SLC4A3: variants seen among roughly 807,000 people sequenced by gnomAD.
SLC4A3 encodes anion exchange protein 3.
In SLC4A3, 47 loss-of-function variants were observed where a neutral mutation model predicts 114.2. The ratio of observed to expected loss-of-function variants is 0.41; its 90% confidence interval spans 0.33 to 0.52. The LOEUF (loss-of-function observed/expected upper bound fraction) is 0.52, where lower values mean the gene tolerates loss of function less well. SLC4A3 is among the 20% of genes least tolerant of loss of function. SLC4A3 has a pLI of 0.21. For missense variants in SLC4A3, 1,312 were observed against 1,668.3 expected (o/e 0.79, Z 3.72); for synonymous variants, 693 against 710.3 (o/e 0.98, Z 0.39).
chr2:219,638,887 A>C lies in SLC4A3; in HGVS notation c.3023+18A>C, dbSNP rs371894684. On this transcript the variant is annotated intron_variant, in intron 19 of 22. Transcript: ENST00000358055. This position sits in a 1 kb window ranked among gnomAD's most constrained non-coding sequence, Gnocchi z 7.5. ...ATCACGGCGTGAGAGAGATGGGAGG[A>C]GGAGGTGGGAGGGACGAGGCCAAGC... 3.1e-6 allele frequency: 5 copies of C among 1,610,748 alleles called. No homozygotes were observed. In the African/African-American group the frequency reaches 6.7e-5, roughly 22 times the overall value.
In SLC4A3 at chr2:219,631,945, C is replaced by T. The variant is rs370444350; in HGVS notation, c.812-23C>T. On this transcript the variant is annotated intron_variant, in intron 6 of 22. Transcript: ENST00000358055. This position sits in a 1 kb window ranked among gnomAD's most constrained non-coding sequence, Gnocchi z 6.3. ...AGGGCCCCAGCTGGACCTGTGGGACCCCCAAGCCCATCTTCTCTGCAGGTC... is the reference window on the plus strand; with the variant it reads ...AGGGCCCCAGCTGGACCTGTGGGACTCCCAAGCCCATCTTCTCTGCAGGTC... The T allele has an allele frequency of 1.3e-5, 21 of 1,569,390 alleles. No individual in the cohort carries two copies. Among genetic ancestry groups the T allele is most frequent in the Non-Finnish European group, 1.8e-5 (21 of 1,157,872 alleles).
rs187724618 is a variant in SLC4A3, at chr2:219,633,871, C to T, written c.1462-9C>T. The T allele has an allele frequency of 8.4e-5, 130 of 1,553,986 alleles. No individual in the cohort carries two copies. The highest frequency in any genetic ancestry group is 7.0e-4 in the African/African-American group (51 of 73,360). Reference sequence around the variant, plus strand: ...GGGTCCCAGCCCTATTCCAGTTCTGCGTCCTCAGAAGCCCCTCCACATGCC... The same window carrying T: ...GGGTCCCAGCCCTATTCCAGTTCTGTGTCCTCAGAAGCCCCTCCACATGCC... On this transcript the variant is annotated splice_polypyrimidine_tract_variant and intron_variant, in intron 10 of 22. Transcript: ENST00000358055.
At position 219,637,959 on chromosome 2, in the gene SLC4A3, G is replaced by A; in HGVS notation, c.2766+148G>A. ...TCACCCCTTCGGAAGCCTCTTCCCTGGGTGTCTTCTTGCCCTTTGCTCAGA... is the reference window on the plus strand; with the variant it reads ...TCACCCCTTCGGAAGCCTCTTCCCTAGGTGTCTTCTTGCCCTTTGCTCAGA... On this transcript the variant is annotated intron_variant, in intron 17 of 22. Transcript: ENST00000358055. The surrounding 1 kb of genome is among the most constrained non-coding windows in gnomAD (Gnocchi z 4.6). 1 of 725,858 alleles carries A rather than the reference G, an allele frequency of 1.4e-6. No homozygotes were observed. The highest frequency in any genetic ancestry group is 2.4e-6 in the Non-Finnish European group (1 of 421,994). 45.0% of individuals were successfully genotyped at this position (725,858 alleles called of 1,614,324 possible). A position where few individuals can be genotyped will look rare whatever the true frequency, so the allele number is the denominator to read the frequency against.
At position 219,631,487 on chromosome 2, in the gene SLC4A3, C is replaced by A. The variant is rs751057516; in HGVS notation, c.812-481C>A. ...AACGGGGCTGCTGGCCTTTCCCCGA[C>A]TGCTGCTGGCCTGGGTGGGGCAGAC... is the stretch of plus-strand genomic sequence containing the variant. On this transcript the variant is annotated intron_variant, in intron 6 of 22. Coordinates refer to ENST00000358055, the MANE Select transcript of SLC4A3 (RefSeq NM_005070.4). This position sits in a 1 kb window ranked among gnomAD's most constrained non-coding sequence, Gnocchi z 6.3. The A allele has an allele frequency of 1.5e-6, 2 of 1,297,798 alleles. No individual in the cohort carries two copies. Among genetic ancestry groups the A allele is most frequent in the South Asian group, 1.2e-5 (1 of 80,412 alleles). 80.4% of individuals were successfully genotyped at this position (1,297,798 alleles called of 1,614,324 possible).
Position 219,641,716 on chromosome 2 carries a change from C to T in SLC4A3, c.3687C>T (p.His1229=). ...EDGQDEYNEL[H]MPV ...GCCAGGATGAGTACAATGAGCTGCA[C>T]ATGCCAGTGTGACCCTTGAAGACAG... The change falls in exon 23 of 23, where the codon CAC becomes CAT. Residue 1229 remains histidine, a synonymous_variant. Coordinates refer to ENST00000358055, the MANE Select transcript of SLC4A3 (RefSeq NM_005070.4). This position sits in a 1 kb window ranked among gnomAD's most constrained non-coding sequence, Gnocchi z 4.0. The T allele has an allele frequency of 6.2e-7, 1 of 1,613,726 alleles. No homozygotes were observed. The highest frequency in any genetic ancestry group is 2.2e-5 in the East Asian group (1 of 44,870).
rs1698810371 is a variant in SLC4A3, at chr2:219,628,714, G to A, written c.217+144G>A. On this transcript the variant is annotated intron_variant, in intron 3 of 22. Transcript: ENST00000358055. This position sits in a 1 kb window ranked among gnomAD's most constrained non-coding sequence, Gnocchi z 4.8. ...TGGACTCTGTGCTGGGCCACATGCCGTGTTCAGTCATCCTGCCTCCCCCAC... is the reference window on the plus strand; with the variant it reads ...TGGACTCTGTGCTGGGCCACATGCCATGTTCAGTCATCCTGCCTCCCCCAC... 6 of 869,640 alleles carry A rather than the reference G, an allele frequency of 6.9e-6. No individual in the cohort carries two copies. The highest frequency in any genetic ancestry group is 5.7e-5 in the Admixed American group (2 of 35,340). 53.9% of individuals were successfully genotyped at this position (869,640 alleles called of 1,614,324 possible). A position where few individuals can be genotyped will look rare whatever the true frequency, so the allele number is the denominator to read the frequency against.
chr2:219,628,607 G>C lies in SLC4A3; in HGVS notation c.217+37G>C, dbSNP rs575599849. ...GGGGACCCCTAGTGCGGCCGCCCTC[G>C]CCACCATCACCTTCATCGCCACCAT... On this transcript the variant is annotated intron_variant, in intron 3 of 22. Coordinates refer to ENST00000358055, the MANE Select transcript of SLC4A3 (RefSeq NM_005070.4). This position sits in a 1 kb window ranked among gnomAD's most constrained non-coding sequence, Gnocchi z 4.8. 6.2e-7 allele frequency: 1 copy of C among 1,601,528 alleles called. No individual in the cohort carries two copies. The highest frequency in any genetic ancestry group is 1.1e-5 in the South Asian group (1 of 90,494).
In SLC4A3 at chr2:219,628,643, ACC is replaced by A; in HGVS notation, c.217+74_217+75del. 3 of 1,495,468 alleles carry A rather than the reference ACC, an allele frequency of 2.0e-6. No individual in the cohort carries two copies. The South Asian group carries it at 3.5e-5, about 17-fold the overall frequency. The allele number at this position is 1,495,468 out of a possible 1,614,324, so 92.6% of individuals were successfully genotyped here. A position where few individuals can be genotyped will look rare whatever the true frequency, so the allele number is the denominator to read the frequency against. On this transcript the variant is annotated intron_variant, in intron 3 of 22. Coordinates refer to ENST00000358055, the MANE Select transcript of SLC4A3 (RefSeq NM_005070.4). The surrounding 1 kb of genome is among the most constrained non-coding windows in gnomAD (Gnocchi z 4.8). ...CTTCATCGCCACCATCACCGCGCTC[ACC>A]TCCGGCTTGGTCACCCAGTGCCATC...
chr2:219,635,813 C>T lies in SLC4A3; in HGVS notation c.2113C>T (p.His705Tyr). The change falls in exon 14 of 23, where the codon CAC (histidine) becomes TAC (tyrosine). Residue 705 changes from histidine (H) to tyrosine (Y), a missense_variant. By Grantham distance (83) the His-to-Tyr change is moderately conservative (BLOSUM62 2). Around this residue, in one of 4 missense-constraint regions of SLC4A3, gnomAD observed 771 missense variants for 977.7 expected, o/e 0.79. Coordinates refer to ENST00000358055, the MANE Select transcript of SLC4A3 (RefSeq NM_005070.4). ...HYPSDLRDAL[H>Y]SQCVAAVLFI... ...CCCCAGTGACCTGCGAGATGCGCTG[C>T]ACTCCCAGTGTGTGGCCGCTGTGCT... 1 of 1,592,802 alleles carries T rather than the reference C, an allele frequency of 6.3e-7. No homozygotes were observed.
At chr2:219,632,847 C>T (rs1559199699) in intron 8 of SLC4A3, 27 bp from the exon 9 acceptor site, 7 of 1,613,124 alleles carry the variant, frequency 4.3e-6, no homozygotes, top group Non-Finnish European at 5.9e-6. Flanking sequence ...GGGACTGTGC[C>T]CTCTCTGTGC....
Position 219,630,199 on chromosome 2 carries a change from A to G in SLC4A3, c.658A>G (p.Ser220Gly). The G allele has an allele frequency of 6.2e-7, 1 of 1,612,736 alleles. No individual in the cohort carries two copies. Residue 220 changes from serine to glycine, a missense_variant, in exon 6 of 23, where the codon AGC becomes GGC. By Grantham distance (56) the Ser-to-Gly change is moderately conservative. Coordinates refer to ENST00000358055, the MANE Select transcript of SLC4A3 (RefSeq NM_005070.4). This position sits in a 1 kb window ranked among gnomAD's most constrained non-coding sequence, Gnocchi z 6.9. The part of the protein sequence containing the change: ...ARASRLAGEK[S>G]RPWSPSASYD... Reference sequence around the variant, plus strand: ...GGCCTCCCGACTCGCTGGGGAGAAAAGCCGGCCCTGGAGCCCATCGGCCAG... The same window carrying G: ...GGCCTCCCGACTCGCTGGGGAGAAAGGCCGGCCCTGGAGCCCATCGGCCAG...
intron 20 of SLC4A3, among the ~76,000 whole-genome samples, 197 bp from the exon 21 acceptor site, chr2:219,640,233 C>A (rs1173813931): frequency 7.3e-5 from 9 of 123,602 alleles, no homozygotes; most frequent in Non-Finnish European, 6.9e-5. Flanking sequence ...CTGCCCCCCC[C>A]CCCGCCCCTC....
At chr2:219,633,795 AGAGCCAGGGCTG>A (rs913305094) in intron 10 of SLC4A3, 73 bp from the exon 11 acceptor site, 19 of 1,536,720 alleles carry the variant, frequency 1.2e-5, no homozygotes, top group Admixed American at 2.0e-5. Flanking sequence ...AGCAGGTCTC[AGAGCCAGGGCTG>A]GAGCCAGGGC....
In SLC4A3 at chr2:219,636,521, C is replaced by T. The variant is rs1699124522; in HGVS notation, c.2340+71C>T. On this transcript the variant is annotated intron_variant, in intron 15 of 22. Transcript: ENST00000358055. This position sits in a 1 kb window ranked among gnomAD's most constrained non-coding sequence, Gnocchi z 5.5. ...TTCCTTACCTACATCCTGCCCCACA[C>T]TCTTCCTTACCTACATCCTGCCCCA... The T allele has an allele frequency of 2.0e-6, 3 of 1,521,406 alleles. No homozygotes were observed. The highest frequency in any genetic ancestry group is 2.6e-6 in the Non-Finnish European group (3 of 1,132,354). 94.2% of individuals were successfully genotyped at this position (1,521,406 alleles called of 1,614,324 possible).
chr2:219,630,314 C>A lies in SLC4A3; in HGVS notation c.773C>A (p.Ala258Asp). The A allele has an allele frequency of 6.2e-7, 1 of 1,611,736 alleles. No individual in the cohort carries two copies. Residue 258 changes from alanine to aspartate, a missense_variant, in exon 6 of 23, where the codon GCC becomes GAC. By Grantham distance (126) the Ala-to-Asp change is moderately radical (BLOSUM62 -2). Transcript: ENST00000358055. This position sits in a 1 kb window ranked among gnomAD's most constrained non-coding sequence, Gnocchi z 6.9. ...CAGGTGCCCACAGATGAGGCGGAGGCCCAGATGCTGGGTTCTGCAGACCTG... is the reference window on the plus strand; with the variant it reads ...CAGGTGCCCACAGATGAGGCGGAGGACCAGATGCTGGGTTCTGCAGACCTG... Reference protein sequence around the residue: ...EQQVPTDEAEAQMLGSADLDD... With the variant: ...EQQVPTDEAEDQMLGSADLDD...
chr2:219,637,645 A>C lies in SLC4A3; in HGVS notation c.2600A>C (p.Asp867Ala), dbSNP rs635311. 0.75 allele frequency: 1,215,942 copies of C among 1,612,314 alleles called. 462,772 individuals carry two copies. Among genetic ancestry groups the C allele is most frequent in the East Asian group, 0.84 (37,616 of 44,822 alleles). The change falls in exon 17 of 23, where the codon GAT becomes GCT. Residue 867 changes from aspartate (D) to alanine (A), a missense_variant. Asp to Ala is a moderately radical substitution (Grantham distance 126, BLOSUM62 -2). Transcript: ENST00000358055. The surrounding 1 kb of genome is among the most constrained non-coding windows in gnomAD (Gnocchi z 4.6). The stretch of plus-strand genomic sequence containing the variant: ...GAGGGGGCCCTGGAGGGGTCCCTGG[A>C]TGCTGGTCTGGAGCCAAATGGCAGT... ...PPEGALEGSL[D>A]AGLEPNGSAL...
At position 219,631,057 on chromosome 2, in the gene SLC4A3, A is replaced by C; in HGVS notation, c.811+705A>C. ...GGGGGGTGGGGGAGGGCGTGTTTAC[A>C]GACCCAGGGTGGGGGCTGGATGCCG... On this transcript the variant is annotated intron_variant, in intron 6 of 22. Coordinates refer to ENST00000358055, the MANE Select transcript of SLC4A3 (RefSeq NM_005070.4). This position sits in a 1 kb window ranked among gnomAD's most constrained non-coding sequence, Gnocchi z 6.3. 1 of 955,312 alleles carries C rather than the reference A, an allele frequency of 1.0e-6. No individual in the cohort carries two copies. The highest frequency in any genetic ancestry group is 1.3e-6 in the Non-Finnish European group (1 of 775,286). 59.2% of individuals were successfully genotyped at this position (955,312 alleles called of 1,614,324 possible).
At chr2:219,632,508 C>T in intron 8 of SLC4A3, 66 bp downstream of exon 8, 1 of 1,467,636 alleles carries the variant, frequency 6.8e-7, no homozygotes, top group Non-Finnish European at 9.1e-7. Context: ...CTGCTCAGTT[C>T]CCAGGAACAC....
At position 219,628,596 on chromosome 2, in the gene SLC4A3, CG is replaced by C. The variant is rs1698803529; in HGVS notation, c.217+28del. The C allele has an allele frequency of 1.2e-6, 2 of 1,606,402 alleles. No homozygotes were observed. Among genetic ancestry groups the C allele is most frequent in the Admixed American group, 1.7e-5 (1 of 58,328 alleles). On this transcript the variant is annotated intron_variant, in intron 3 of 22. Transcript: ENST00000358055. The surrounding 1 kb of genome is among the most constrained non-coding windows in gnomAD (Gnocchi z 4.8). ...GTGGGTAGCCTGGGGACCCCTAGTG[CG>C]GCCGCCCTCGCCACCATCACCTTCA...
Sources: gnomAD v4.1 joint callset for allele counts (sites outside exome capture counted in the v4.1 genomes callset) on GRCh38, gnomAD v4.1.1 for gene constraint, gnomAD v4.1.1 regional missense constraint, Gnocchi (gnomAD v3.1) non-coding constraint, MANE v1.5 for transcripts, NCBI Gene and HGNC (gene_info 2026-07-23, HGNC 2026-07-21) for gene names.